TLE2: variants seen among roughly 807,000 people sequenced by gnomAD.
TLE2 encodes TLE family member 2, transcriptional corepressor, also known as transducin-like enhancer protein 2.
In TLE2, 74 loss-of-function variants were observed where a neutral mutation model predicts 97.2. The observed-to-expected ratio is 0.76, with a 90% CI of 0.63 to 0.92. TLE2 has a LOEUF of 0.92. Ranked by LOEUF, TLE2 falls within the 40% of genes least tolerant of loss-of-function variation. The probability of loss-of-function intolerance (pLI) is 0.00; values close to 1 mark genes in which losing one functional copy is unlikely to be tolerated. For missense variants in TLE2, 1,038 were observed against 1,008.7 expected (o/e 1.03, Z -0.39); for synonymous variants, 499 against 432.1 (o/e 1.15, Z -1.92).
intron 3 of TLE2, among the ~76,000 whole-genome samples, chr19:3,028,117 CT>C (rs1163320032): frequency 6.6e-6 from 1 of 152,130 alleles, no homozygotes; most frequent in Non-Finnish European, 1.5e-5. Flanking sequence ...CCGACAGAGA[CT>C]CCCATCAGGC....
chr19:3,017,781 C>G (rs1694728320), intron 8 of TLE2, 59 bp downstream of exon 8: 2 of 1,565,042 alleles, frequency 1.3e-6, no homozygotes, highest in Non-Finnish European at 1.7e-6. Flanking sequence ...CCCATCAGCT[C>G]AGAACCAGCG....
At chr19:3,027,236 A>C (rs939300284) in intron 4 of TLE2, among the ~76,000 whole-genome samples, 2 of 152,246 alleles carry the variant, frequency 1.3e-5, no homozygotes, top group African/African-American at 4.8e-5. Context: ...GCCTTACGAC[A>C]CTGGAGTCAA....
rs1599257423 is a variant in TLE2 at position 3,041,176 on chromosome 19, G to A, written c.63+4550C>T. On this transcript the variant is annotated intron_variant, in intron 1 of 18. Coordinates refer to the TLE2 transcript ENST00000426948. The stretch of plus-strand genomic sequence containing the variant: ...CGAGTAGCTGGGATTACAGGTGCGT[G>A]CCACCACGCCTGGCTAATTTTTGTA... Among the ~76,000 whole-genome samples, 4 of 148,762 alleles carry A rather than the reference G, an allele frequency of 2.7e-5. No homozygotes were observed. In the South Asian group the frequency reaches 8.6e-4, roughly 32 times the overall value.
chr19:3,017,750 C>G, intron 8 of TLE2, 90 bp downstream of exon 8: 2 of 1,309,530 alleles, frequency 1.5e-6, no homozygotes, highest in African/African-American at 1.5e-5. Flanking sequence ...CCATGATCGA[C>G]CTAGGTCTCA....
At position 2,997,706 on chromosome 19, in the gene TLE2, G is replaced by A. The variant is rs2089245234; in HGVS notation, c.*142C>T. ...CCCATCGGCCCCCACATGCAGCAGG[G>A]GAAGGTGTGAAGCCGTTGGCCAGAG... On this transcript the variant is annotated 3_prime_UTR_variant, in exon 20 of 20. Transcript: ENST00000262953. 1 of 623,832 alleles carries A rather than the reference G, an allele frequency of 1.6e-6. No individual in the cohort carries two copies. The highest frequency in any genetic ancestry group is 2.8e-5 in the East Asian group (1 of 35,970). The allele number at this position is 623,832 out of a possible 1,614,324, so 38.6% of individuals were successfully genotyped here.
At chr19:3,027,733 GGTCTGCTCTGGCCCC>G (rs2089969347) in intron 4 of TLE2, 81 bp downstream of exon 4, 46 of 1,243,090 alleles carry the variant, frequency 3.7e-5, no homozygotes, top group Non-Finnish European at 5.2e-5. Flanking sequence ...GTGTTCCCTA[GGTCTGCTCTGGCCCC>G]GGCTGCCCAC....
chr19:3,023,784 C>A (rs1177408347), intron 5 of TLE2, among the ~76,000 whole-genome samples: 1 of 151,682 alleles, frequency 6.6e-6, no homozygotes, highest in Non-Finnish European at 1.5e-5. Flanking sequence ...CCCAGCTACT[C>A]AGGAGGCTGA....
chr19:3,030,034 T>G (rs2090010327), upstream of TLE2, among the ~76,000 whole-genome samples: 1 of 152,210 alleles, frequency 6.6e-6, no homozygotes, highest in Non-Finnish European at 1.5e-5. Flanking sequence ...CTTGAACTCC[T>G]GGACTCAAGC....
At chr19:3,041,422 C>T (rs1306263687) in intron 1 of TLE2, among the ~76,000 whole-genome samples, 3 of 152,200 alleles carry the variant, frequency 2.0e-5, no homozygotes, top group East Asian at 1.9e-4. Flanking sequence ...GGTACAGTGC[C>T]GCCTCCAGGC....
intron 4 of TLE2, among the ~76,000 whole-genome samples, 160 bp downstream of exon 4, chr19:3,027,669 C>T (rs948097121): frequency 6.6e-6 from 1 of 152,170 alleles, no homozygotes; most frequent in African/African-American, 2.4e-5. Flanking sequence ...AATCTGTCTT[C>T]CTGGTCCCAG....
chr19:3,000,265 C>G (rs1009634467), intron 19 of TLE2, among the ~76,000 whole-genome samples: 3 of 151,084 alleles, frequency 2.0e-5, no homozygotes, highest in Admixed American at 1.3e-4. Flanking sequence ...TTAGTAGAGA[C>G]GGGTTTTCAC....
chr19:3,033,587 C>T (rs1352424022), upstream of TLE2, among the ~76,000 whole-genome samples: 7 of 152,184 alleles, frequency 4.6e-5, no homozygotes, highest in South Asian at 2.1e-4. Context: ...TGTGAGCCAC[C>T]GCGCCCCTCC....
At chr19:2,999,543 C>T (rs1269128184) in intron 19 of TLE2, among the ~76,000 whole-genome samples, 15 of 151,420 alleles carry the variant, frequency 9.9e-5, no homozygotes, top group African/African-American at 2.7e-4. Flanking sequence ...CTGGCTAACA[C>T]GGTGAAACCC....
chr19:3,014,474 C>G, intron 10 of TLE2, 96 bp downstream of exon 10: 1 of 1,220,570 alleles, frequency 8.2e-7, no homozygotes, highest in Non-Finnish European at 1.1e-6. Flanking sequence ...GAGCGGGGAA[C>G]CAGGATCCCC....
chr19:3,022,351 C>T (rs886482773), intron 5 of TLE2, among the ~76,000 whole-genome samples: 4 of 151,642 alleles, frequency 2.6e-5, no homozygotes, highest in Non-Finnish European at 4.4e-5. Flanking sequence ...GTGAAACCAC[C>T]CCCCCACCCC....
rs767029767 is a variant in TLE2, at chr19:3,009,522, GC to G, written c.1173+19del. The G allele has an allele frequency of 1.3e-6, 2 of 1,569,506 alleles. No homozygotes were observed. The highest frequency in any genetic ancestry group is 1.7e-6 in the Non-Finnish European group (2 of 1,158,622). On this transcript the variant is annotated intron_variant, in intron 13 of 19. Coordinates refer to ENST00000262953, the MANE Select transcript of TLE2 (RefSeq NM_003260.5). ...CCTGGGCCCTGCTGACACCTCCTGCGCCCCCACCCAAGGACTCACCACGGGG... is the reference window on the plus strand; with the variant it reads ...CCTGGGCCCTGCTGACACCTCCTGCGCCCCACCCAAGGACTCACCACGGGG...
At chr19:3,007,628 G>A (rs927843286) in intron 14 of TLE2, among the ~76,000 whole-genome samples, 8 of 152,158 alleles carry the variant, frequency 5.3e-5, no homozygotes, top group Non-Finnish European at 1.0e-4. Context: ...TACACAGGGA[G>A]TCTAGGTTGT....
In TLE2 at chr19:3,014,626, T is replaced by C; in HGVS notation, c.679-12A>G. The C allele has an allele frequency of 6.3e-7, 1 of 1,589,968 alleles. No individual in the cohort carries two copies. The highest frequency in any genetic ancestry group is 1.1e-5 in the South Asian group (1 of 87,098). ...TCTTCGTCGCTTTCCTGGGGGAAGATGGGGGAGAGAGCTCATTGTGGTCAT... is the reference window on the plus strand; with the variant it reads ...TCTTCGTCGCTTTCCTGGGGGAAGACGGGGGAGAGAGCTCATTGTGGTCAT... On this transcript the variant is annotated splice_polypyrimidine_tract_variant and intron_variant, in intron 9 of 19. Coordinates refer to ENST00000262953, the MANE Select transcript of TLE2 (RefSeq NM_003260.5).
intron 4 of TLE2, 124 bp downstream of exon 4, chr19:3,027,705 G>T: frequency 2.1e-6 from 2 of 951,310 alleles, no homozygotes; most frequent in Admixed American, 2.5e-5. Context: ...CCTCTGCGGA[G>T]ATTTCAGGAT....
Sources: gnomAD v4.1 joint callset for allele counts (sites outside exome capture counted in the v4.1 genomes callset) on GRCh38, gnomAD v4.1.1 for gene constraint, MANE v1.5 for transcripts, NCBI Gene and HGNC (gene_info 2026-07-23, HGNC 2026-07-21) for gene names.